The following CAMSAP2 variants were observed in gnomAD, a reference collection of about 807,000 sequenced individuals.
The protein encoded by CAMSAP2 is calmodulin regulated spectrin associated protein family member 2.
A neutral mutation model predicts 146.1 loss-of-function variants in CAMSAP2; 26 were observed. That is an observed-to-expected ratio of 0.18 (90% CI 0.13 to 0.25). The LOEUF is 0.25. CAMSAP2 is among the 10% of genes least tolerant of loss of function. The pLI is 1.00. For synonymous variants in CAMSAP2, 499 were observed against 596.6 expected (o/e 0.84, Z 2.38); for missense variants, 1,381 against 1,759.3 (o/e 0.78, Z 3.85).
chr1:200,760,546 T>G lies in CAMSAP2; in HGVS notation c.140-293T>G, dbSNP rs551619780. 4.7e-4 allele frequency among the ~76,000 whole-genome samples: 71 copies of G among 152,318 alleles called. 1 individual carries two copies. The South Asian group carries it at 0.014, about 31-fold the overall frequency. On this transcript the variant is annotated intron_variant, in intron 1 of 16. Transcript: ENST00000358823. ...ATAGTTCATTCTGTAGATTTGACTA[T>G]GAATGTGGGAATACTTTCCCAAGAG...
At chr1:200,833,453 C>G (rs910167059) in intron 6 of CAMSAP2, among the ~76,000 whole-genome samples, 1 of 151,786 alleles carries the variant, frequency 6.6e-6, no homozygotes, top group East Asian at 1.9e-4. Flanking sequence ...CCCAGCTACT[C>G]GAAGGCTGAG....
intron 2 of CAMSAP2, among the ~76,000 whole-genome samples, chr1:200,765,336 TCTC>T (rs1483684382): frequency 2.0e-5 from 3 of 152,012 alleles, no homozygotes; most frequent in African/African-American, 7.2e-5. Context: ...TTCAAGCAAT[TCTC>T]CTGCCTCAGC....
intron 3 of CAMSAP2, among the ~76,000 whole-genome samples, chr1:200,810,757 C>A (rs866011526): frequency 6.6e-6 from 1 of 151,764 alleles, no homozygotes; most frequent in Non-Finnish European, 1.5e-5. Flanking sequence ...GGCGTGGTGG[C>A]ACGCGCCTGT....
intron 2 of CAMSAP2, among the ~76,000 whole-genome samples, chr1:200,762,315 C>CTA (rs1182403817): frequency 1.3e-5 from 2 of 151,972 alleles, no homozygotes; most frequent in African/African-American, 4.8e-5. Context: ...TTAACAATAA[C>CTA]TAGAATATTG....
chr1:200,759,740 A>G (rs1664749197), intron 1 of CAMSAP2, among the ~76,000 whole-genome samples: 1 of 152,176 alleles, frequency 6.6e-6, no homozygotes, highest in African/African-American at 2.4e-5. Flanking sequence ...GTCTCAGGAC[A>G]GAGCTATCAG....
At chr1:200,804,128 G>T (rs1054814753) in intron 2 of CAMSAP2, among the ~76,000 whole-genome samples, 1 of 151,750 alleles carries the variant, frequency 6.6e-6, no homozygotes, top group African/African-American at 2.4e-5. Flanking sequence ...GGGTTTCACC[G>T]TGTTAGCCAG....
In CAMSAP2 at chr1:200,832,052, C is replaced by T. The variant is rs1020047813; in HGVS notation, c.646-148C>T. The T allele has an allele frequency of 8.6e-5, 54 of 629,304 alleles. No individual in the cohort carries two copies. Among genetic ancestry groups the T allele is most frequent in the South Asian group, 1.6e-4 (7 of 43,688 alleles). 39.0% of individuals were successfully genotyped at this position (629,304 alleles called of 1,614,324 possible). A position where few individuals can be genotyped will look rare whatever the true frequency, so the allele number is the denominator to read the frequency against. On this transcript the variant is annotated intron_variant, in intron 4 of 16. Coordinates refer to ENST00000358823, the MANE Select transcript of CAMSAP2 (RefSeq NM_203459.4). This position sits in a 1 kb window ranked among gnomAD's most constrained non-coding sequence, Gnocchi z 4.2. ...TGTATTTAACTTTGGTAATACCTAG[C>T]GTTATTTAGAAAAAAAGAAATATTG...
intron 14 of CAMSAP2, among the ~76,000 whole-genome samples, chr1:200,855,654 T>G (rs564104903): frequency 6.6e-6 from 1 of 152,142 alleles, no homozygotes; most frequent in Admixed American, 6.5e-5. Flanking sequence ...TAGAGTGCAG[T>G]GACACGATCT....
rs1316338918 is a variant in CAMSAP2, at chr1:200,816,594, C to CAAA, written c.645+960_645+962dup. Among the ~76,000 whole-genome samples the CAAA allele has an allele frequency of 1.0e-3, 93 of 92,820 alleles. 2 individuals are homozygous for CAAA. The highest frequency in any genetic ancestry group is 3.0e-3 in the African/African-American group (80 of 26,588). 60.9% of individuals were successfully genotyped at this position (92,820 alleles called of 152,430 possible). ...GGGCAATAAGAGCAAAACTTCATCT[C>CAAA]AAAAAAAAAAAATATATATATATAT... On this transcript the variant is annotated intron_variant, in intron 4 of 16. Transcript: ENST00000358823.
chr1:200,811,010 C>T (rs376075730), intron 3 of CAMSAP2, among the ~76,000 whole-genome samples: 4 of 152,308 alleles, frequency 2.6e-5, no homozygotes, highest in African/African-American at 4.8e-5. Context: ...TTTGCTATTT[C>T]GTTAGCCTGC....
rs770747875 is a variant in CAMSAP2, at chr1:200,857,307, A to G, written c.4014A>G (p.Gly1338=). 6.3e-7 allele frequency: 1 copy of G among 1,588,512 alleles called. No homozygotes were observed. Among genetic ancestry groups the G allele is most frequent in the East Asian group, 2.2e-5 (1 of 44,682 alleles). The part of the protein sequence containing the change: ...SSVASGTEYT[G]PKLYKEPSAK... The stretch of plus-strand genomic sequence containing the variant: ...ATTGTTGTTAAATCCCTACCATAGG[A>G]CCAAAGCTCTACAAAGAACCCAGTG... The change falls in exon 16 of 17, where the codon GGA becomes GGG. Residue 1338 remains glycine (G), a splice_region_variant and synonymous_variant. Coordinates refer to ENST00000358823, the MANE Select transcript of CAMSAP2 (RefSeq NM_203459.4). The surrounding 1 kb of genome is among the most constrained non-coding windows in gnomAD (Gnocchi z 4.7).
intron 4 of CAMSAP2, among the ~76,000 whole-genome samples, chr1:200,828,205 T>C (rs941196204): frequency 1.3e-5 from 2 of 152,190 alleles, no homozygotes; most frequent in South Asian, 2.1e-4. Flanking sequence ...AGAATTATGA[T>C]TGCAAACCTA....
intron 2 of CAMSAP2, among the ~76,000 whole-genome samples, chr1:200,762,161 A>G (rs1664819610): frequency 6.6e-6 from 1 of 152,258 alleles, no homozygotes; most frequent in Admixed American, 6.5e-5. Context: ...AAATTAGTTT[A>G]TAAAATCTAT....
intron 1 of CAMSAP2, among the ~76,000 whole-genome samples, chr1:200,754,483 T>A (rs1664591380): frequency 1.3e-5 from 2 of 152,054 alleles, no homozygotes; most frequent in South Asian, 4.1e-4. Flanking sequence ...TAGAATCCAG[T>A]AATGATCTTG....
chr1:200,776,961 G>A (rs1409878996), intron 2 of CAMSAP2, among the ~76,000 whole-genome samples: 2 of 152,182 alleles, frequency 1.3e-5, no homozygotes, highest in South Asian at 2.1e-4. Flanking sequence ...TTGCCTCAAG[G>A]CCCCTTATGT....
In CAMSAP2 at chr1:200,739,756, C is replaced by A; in HGVS notation, c.-72C>A. On this transcript the variant is annotated 5_prime_UTR_variant, in exon 1 of 17. Coordinates refer to ENST00000358823, the MANE Select transcript of CAMSAP2 (RefSeq NM_203459.4). The surrounding 1 kb of genome is among the most constrained non-coding windows in gnomAD (Gnocchi z 4.8). ...TTTGAGCTTGCTTCTCCCTCCCTCCCGACCCCCGTGGTGGCGAGGCCACGC... is the reference window on the plus strand; with the variant it reads ...TTTGAGCTTGCTTCTCCCTCCCTCCAGACCCCCGTGGTGGCGAGGCCACGC... 1 of 1,511,978 alleles carries A rather than the reference C, an allele frequency of 6.6e-7. No homozygotes were observed. The highest frequency in any genetic ancestry group is 2.4e-5 in the East Asian group (1 of 41,604). The allele number at this position is 1,511,978 out of a possible 1,614,324, so 93.7% of individuals were successfully genotyped here. A position where few individuals can be genotyped will look rare whatever the true frequency, so the allele number is the denominator to read the frequency against.
chr1:200,772,093 C>A (rs751670356), intron 2 of CAMSAP2, among the ~76,000 whole-genome samples: 1 of 152,098 alleles, frequency 6.6e-6, no homozygotes, highest in Non-Finnish European at 1.5e-5. Context: ...CATCTGGTCT[C>A]GAGTTTTGAA....
intron 2 of CAMSAP2, among the ~76,000 whole-genome samples, chr1:200,762,170 A>G (rs533269495): frequency 8.5e-5 from 13 of 152,322 alleles, no homozygotes; most frequent in Non-Finnish European, 1.0e-4. Flanking sequence ...TATAAAATCT[A>G]TTACTAAATG....
chr1:200,832,969 G>T lies in CAMSAP2; in HGVS notation c.927+124G>T. 1.2e-6 allele frequency: 1 copy of T among 808,200 alleles called. No individual in the cohort carries two copies. Among genetic ancestry groups the T allele is most frequent in the Non-Finnish European group, 1.8e-6 (1 of 564,788 alleles). The allele number at this position is 808,200 out of a possible 1,614,324, so 50.1% of individuals were successfully genotyped here. On this transcript the variant is annotated intron_variant, in intron 6 of 16. Coordinates refer to ENST00000358823, the MANE Select transcript of CAMSAP2 (RefSeq NM_203459.4). This position sits in a 1 kb window ranked among gnomAD's most constrained non-coding sequence, Gnocchi z 4.2. ...CCAGTACTTTGGGAGGACAAGGTGGGAGGATTGCTTAAGCCTGGGAGGTTG... is the reference window on the plus strand; with the variant it reads ...CCAGTACTTTGGGAGGACAAGGTGGTAGGATTGCTTAAGCCTGGGAGGTTG...
Sources: gnomAD v4.1 joint callset for allele counts (sites outside exome capture counted in the v4.1 genomes callset) on GRCh38, gnomAD v4.1.1 for gene constraint, Gnocchi (gnomAD v3.1) non-coding constraint, MANE v1.5 for transcripts, NCBI Gene and HGNC (gene_info 2026-07-23, HGNC 2026-07-21) for gene names.